Variants in BRF1 observed in about 807,000 individuals in gnomAD.
The protein encoded by BRF1 is transcription factor IIIB 90 kDa subunit.
In BRF1, 59 loss-of-function variants were observed where a neutral mutation model predicts 81.7. The observed-to-expected ratio is 0.72, with a 90% CI of 0.59 to 0.90. The LOEUF is 0.90. Ranked by LOEUF, BRF1 falls within the 40% of genes least tolerant of loss-of-function variation. The pLI is 0.00. For missense variants in BRF1, 1,050 were observed against 936.3 expected, an observed-to-expected ratio of 1.12 and a Z score of -1.58; for synonymous variants, 491 against 395.6, an observed-to-expected ratio of 1.24 and a Z score of -2.86.
intron 1 of BRF1, among the ~76,000 whole-genome samples, chr14:105,299,851 C>G (rs1361176421): frequency 6.6e-6 from 1 of 152,246 alleles, no homozygotes; most frequent in Non-Finnish European, 1.5e-5. Context: ...ACACATACAG[C>G]TAAGTTCCCC....
chr14:105,210,347 G>A lies in BRF1; in HGVS notation c.*204C>T, dbSNP rs1889922736. Reference sequence around the variant, plus strand: ...GCCCACATCTGATCACACACATGCAGACGCTTGGTCCGGTTTCCCTTGCTG... The same window carrying A: ...GCCCACATCTGATCACACACATGCAAACGCTTGGTCCGGTTTCCCTTGCTG... On this transcript the variant is annotated 3_prime_UTR_variant, in exon 18 of 18. Transcript: ENST00000547530. This position sits in a 1 kb window ranked among gnomAD's most constrained non-coding sequence, Gnocchi z 4.7. 1.6e-6 allele frequency: 1 copy of A among 611,636 alleles called. No individual in the cohort carries two copies. The highest frequency in any genetic ancestry group is 2.9e-6 in the Non-Finnish European group (1 of 348,418). 37.9% of individuals were successfully genotyped at this position (611,636 alleles called of 1,614,324 possible). A position where few individuals can be genotyped will look rare whatever the true frequency, so the allele number is the denominator to read the frequency against.
chr14:105,240,849 G>C (rs1304917644), intron 6 of BRF1, among the ~76,000 whole-genome samples: 1 of 125,872 alleles, frequency 7.9e-6, no homozygotes, highest in Non-Finnish European at 1.7e-5. Context: ...CCGCGTAGTC[G>C]CCCAGCTGGG....
chr14:105,225,250 G>A (rs1892898224), intron 10 of BRF1, among the ~76,000 whole-genome samples: 1 of 152,180 alleles, frequency 6.6e-6, no homozygotes. Flanking sequence ...ACCCCCAAGT[G>A]AAAATACACA....
At chr14:105,220,488 C>T (rs1268917807) in intron 11 of BRF1, among the ~76,000 whole-genome samples, 2 of 152,196 alleles carry the variant, frequency 1.3e-5, no homozygotes, top group South Asian at 2.1e-4. Context: ...GGTCAGGCCA[C>T]GGAGTGAGAT....
intron 15 of BRF1, among the ~76,000 whole-genome samples, chr14:105,216,817 C>T (rs1166436263): frequency 3.9e-5 from 6 of 152,224 alleles, no homozygotes; most frequent in East Asian, 3.8e-4. Flanking sequence ...CCCGGAGACT[C>T]GGTGGGGTGG....
At chr14:105,305,904 G>A (rs1005708918), upstream of BRF1, among the ~76,000 whole-genome samples, 4 of 152,220 alleles carry the variant, frequency 2.6e-5, no homozygotes, top group Admixed American at 6.5e-5. Context: ...ACCCTCACTC[G>A]CACCGCGCCA....
At position 105,209,775 on chromosome 14, in the gene BRF1, C is replaced by G. The variant is rs587643328; in HGVS notation, c.*776G>C. 1,842 of 545,710 alleles carry G rather than the reference C, an allele frequency of 3.4e-3. 6 individuals carry two copies. The highest frequency in any genetic ancestry group is 0.014 in the Middle Eastern group (29 of 2,094). The allele number at this position is 545,710 out of a possible 1,614,324, so 33.8% of individuals were successfully genotyped here. A position where few individuals can be genotyped will look rare whatever the true frequency, so the allele number is the denominator to read the frequency against. ...ACTGCCTACAGAGCTATGCTCAGGA[C>G]GGGTGGGCGCCGGTCTCAGCTGTCG... On this transcript the variant is annotated 3_prime_UTR_variant, in exon 18 of 18. Transcript: ENST00000547530.
At chr14:105,290,674 G>A (rs968348718) in intron 1 of BRF1, among the ~76,000 whole-genome samples, 5 of 152,004 alleles carry the variant, frequency 3.3e-5, no homozygotes, top group African/African-American at 9.7e-5. Flanking sequence ...AGCTGCATGC[G>A]TCAGCAGCTC....
chr14:105,301,021 G>C (rs1316458148), upstream of BRF1: 1 of 152,204 alleles, frequency 6.6e-6, no homozygotes, highest in Non-Finnish European at 1.5e-5. Flanking sequence ...CGGGGCCACG[G>C]CGGTGAGCGC....
intron 5 of BRF1, chr14:105,247,653 G>C (rs1209049871): frequency 2.0e-6 from 2 of 985,270 alleles, no homozygotes; most frequent in South Asian, 4.7e-5. Context: ...CCCATGACCC[G>C]AGATGCTGGC....
At chr14:105,274,038 T>G (rs183337352) in intron 2 of BRF1, among the ~76,000 whole-genome samples, 29 of 152,208 alleles carry the variant, frequency 1.9e-4, no homozygotes, top group African/African-American at 6.8e-4. Flanking sequence ...AATTCTGAGA[T>G]AGGAGAAAAA....
chr14:105,298,591 G>A lies in BRF1; in HGVS notation c.184+1855C>T, dbSNP rs200842116. ...AGATTTAGGCCAGGTGCGGTGGCTC[G>A]CGCCTGTAATCCCAGCACTTTGGGA... On this transcript the variant is annotated intron_variant, in intron 1 of 17. Transcript: ENST00000547530. Among the ~76,000 whole-genome samples the A allele has an allele frequency of 8.7e-4, 133 of 152,018 alleles. 1 individual carries two copies. Among genetic ancestry groups the A allele is most frequent in the East Asian group, 1.7e-3 (9 of 5,158 alleles).
At chr14:105,280,132 C>T (rs1350394902) in intron 2 of BRF1, among the ~76,000 whole-genome samples, 1 of 152,216 alleles carries the variant, frequency 6.6e-6, no homozygotes, top group South Asian at 2.1e-4. Context: ...TCGCCCAAGC[C>T]CAGATTCCCT....
At chr14:105,226,586 C>T (rs1893136946) in intron 8 of BRF1, 48 bp downstream of exon 8, 2 of 1,609,744 alleles carry the variant, frequency 1.2e-6, no homozygotes, top group Admixed American at 1.7e-5. Context: ...GTGGCTTCCC[C>T]CCAAGGCTGG....
chr14:105,242,508 G>T (rs1478527304), intron 5 of BRF1: 2 of 151,840 alleles, frequency 1.3e-5, no homozygotes, highest in African/African-American at 4.8e-5. Flanking sequence ...GGCCGAGGCG[G>T]GCGGATCACC....
At position 105,210,322 on chromosome 14, in the gene BRF1, G is replaced by A. The variant is rs1889920583; in HGVS notation, c.*229C>T. Reference sequence around the variant, plus strand: ...CGGGACCCAGCCCTGCACACACCCGGCCCACATCTGATCACACACATGCAG... The same window carrying A: ...CGGGACCCAGCCCTGCACACACCCGACCCACATCTGATCACACACATGCAG... On this transcript the variant is annotated 3_prime_UTR_variant, in exon 18 of 18. Transcript: ENST00000547530. The surrounding 1 kb of genome is among the most constrained non-coding windows in gnomAD (Gnocchi z 4.7). 3.5e-6 allele frequency: 2 copies of A among 568,374 alleles called. No individual in the cohort carries two copies. Among genetic ancestry groups the A allele is most frequent in the East Asian group, 3.0e-5 (1 of 33,062 alleles). The allele number at this position is 568,374 out of a possible 1,614,324, so 35.2% of individuals were successfully genotyped here.
intron 2 of BRF1, among the ~76,000 whole-genome samples, chr14:105,280,386 G>A (rs774892288): frequency 2.0e-5 from 3 of 152,230 alleles, no homozygotes; most frequent in Non-Finnish European, 2.9e-5. Context: ...AGGGATGAAT[G>A]GGTGGAGCTC....
At chr14:105,242,804 T>C (rs1339230368) in intron 5 of BRF1, among the ~76,000 whole-genome samples, 2 of 127,784 alleles carry the variant, frequency 1.6e-5, no homozygotes, top group South Asian at 2.6e-4. Flanking sequence ...ACGAAGTCTA[T>C]ACAAAAGTTT....
intron 1 of BRF1, chr14:105,314,332 G>C (rs1484675931): frequency 3.3e-5 from 5 of 152,040 alleles, no homozygotes; most frequent in Non-Finnish European, 7.3e-5. Flanking sequence ...CGAGGCCGGG[G>C]AATCCGCGCG....
Sources: allele counts gnomAD v4.1 joint callset (sites outside exome capture counted in the v4.1 genomes callset), GRCh38; gene constraint gnomAD v4.1.1; non-coding constraint Gnocchi (gnomAD v3.1); transcripts MANE v1.5; gene names NCBI Gene and HGNC (gene_info 2026-07-23, HGNC 2026-07-21).